RNF144B: variants seen among roughly 807,000 people sequenced by gnomAD.
The protein encoded by RNF144B is E3 ubiquitin-protein ligase RNF144B.
RNF144B carries 25 observed loss-of-function variants against 40.2 expected under a neutral mutation model. The observed-to-expected ratio is 0.62, with a 90% CI of 0.45 to 0.87. The LOEUF (loss-of-function observed/expected upper bound fraction) is 0.87. Ranked by LOEUF, RNF144B falls within the 40% of genes least tolerant of loss-of-function variation. The pLI is 0.00. For synonymous variants in RNF144B, 145 were observed against 136.3 expected (o/e 1.06, Z -0.44); for missense variants, 365 against 373.7 (o/e 0.98, Z 0.19).
At chr6:18,433,849 A>G (rs181471220) in intron 3 of RNF144B, among the ~76,000 whole-genome samples, 2 of 152,306 alleles carry the variant, frequency 1.3e-5, no homozygotes, top group Admixed American at 1.3e-4. Context: ...TGTTAGGAAG[A>G]GCAGCTCTCG....
rs1759041911 is a variant in RNF144B, at chr6:18,444,800, G to A, written c.331+5056G>A. ...ATCCTATGCCAGGTGCCATTCCAAT[G>A]CTTCTTCAAGCTGTGGTTCCATCTT... On this transcript the variant is annotated intron_variant, in intron 4 of 7. Coordinates refer to ENST00000259939, the MANE Select transcript of RNF144B (RefSeq NM_182757.4). The surrounding 1 kb of genome is among the most constrained non-coding windows in gnomAD (Gnocchi z 4.3). Among the ~76,000 whole-genome samples the A allele has an allele frequency of 6.6e-6, 1 of 152,112 alleles. No individual in the cohort carries two copies.
chr6:18,445,629 A>T, intron 4 of RNF144B, among the ~76,000 whole-genome samples: 1 of 152,152 alleles, frequency 6.6e-6, no homozygotes, highest in African/African-American at 2.4e-5. Flanking sequence ...ACCACTTCTA[A>T]ATCATGTATA....
At chr6:18,451,250 A>G (rs1475884668) in intron 4 of RNF144B, among the ~76,000 whole-genome samples, 4 of 152,008 alleles carry the variant, frequency 2.6e-5, no homozygotes, top group African/African-American at 4.8e-5. Flanking sequence ...TCTATTTTTC[A>G]TCTCCATGTG....
rs1468408505 is a variant in RNF144B, at chr6:18,456,861, G to A, written c.332-294G>A. ...GCAGATCACCTGGGGTCAGGAATTC[G>A]AGATCAGCCTGGCCAACAAGGTGAA... On this transcript the variant is annotated intron_variant, in intron 4 of 7. Transcript: ENST00000259939. The surrounding 1 kb of genome is among the most constrained non-coding windows in gnomAD (Gnocchi z 4.7). 2.0e-5 allele frequency among the ~76,000 whole-genome samples: 3 copies of A among 152,112 alleles called. No homozygotes were observed. The highest frequency in any genetic ancestry group is 4.8e-5 in the African/African-American group (2 of 41,442).
rs76161788 is a variant in RNF144B, at chr6:18,447,473, G to A, written c.331+7729G>A. Among the ~76,000 whole-genome samples the A allele has an allele frequency of 4.3e-4, 66 of 152,264 alleles. No individual in the cohort carries two copies. In the East Asian group the frequency reaches 0.012, roughly 29 times the overall value. On this transcript the variant is annotated intron_variant, in intron 4 of 7. Transcript: ENST00000259939. This position sits in a 1 kb window ranked among gnomAD's most constrained non-coding sequence, Gnocchi z 5.6. The stretch of plus-strand genomic sequence containing the variant: ...GGATGAGAAGCCATTGGAGGGTTTG[G>A]ATCAGGGGAATGTCGTGAAATGATT...
chr6:18,462,798 C>T lies in RNF144B; in HGVS notation c.682-493C>T, dbSNP rs557075510. ...AAACTCCATCTCTATGTTGTCACTT[C>T]TCTCAATAAAGCGACTGCCTTCTTT... On this transcript the variant is annotated intron_variant, in intron 6 of 7. Transcript: ENST00000259939. Among the ~76,000 whole-genome samples, 11 of 152,192 alleles carry T rather than the reference C, an allele frequency of 7.2e-5. No homozygotes were observed. In the East Asian group the frequency reaches 1.9e-3, roughly 27 times the overall value.
Position 18,456,572 on chromosome 6 carries a change from T to C in RNF144B, c.332-583T>C, listed in dbSNP as rs968623729. Among the ~76,000 whole-genome samples, 1 of 152,220 alleles carries C rather than the reference T, an allele frequency of 6.6e-6. No homozygotes were observed. The highest frequency in any genetic ancestry group is 1.5e-5 in the Non-Finnish European group (1 of 68,046). On this transcript the variant is annotated intron_variant, in intron 4 of 7. Coordinates refer to ENST00000259939, the MANE Select transcript of RNF144B (RefSeq NM_182757.4). This position sits in a 1 kb window ranked among gnomAD's most constrained non-coding sequence, Gnocchi z 4.7. ...AAGGTGGGAAATATTCTAAAAGTCTTGTGAATTTTGTTTACAGAGAACACT... is the reference window on the plus strand; with the variant it reads ...AAGGTGGGAAATATTCTAAAAGTCTCGTGAATTTTGTTTACAGAGAACACT...
At chr6:18,391,595 C>T (rs897972068) in intron 1 of RNF144B, among the ~76,000 whole-genome samples, 7 of 152,138 alleles carry the variant, frequency 4.6e-5, no homozygotes, top group East Asian at 1.9e-4. Context: ...AAGCCAGTTG[C>T]GGTGGCTCAT....
chr6:18,458,347 C>T lies in RNF144B; in HGVS notation c.536+988C>T, dbSNP rs1021060977. 6.6e-6 allele frequency among the ~76,000 whole-genome samples: 1 copy of T among 152,186 alleles called. No homozygotes were observed. The highest frequency in any genetic ancestry group is 2.4e-5 in the African/African-American group (1 of 41,440). On this transcript the variant is annotated intron_variant, in intron 5 of 7. Coordinates refer to ENST00000259939, the MANE Select transcript of RNF144B (RefSeq NM_182757.4). This position sits in a 1 kb window ranked among gnomAD's most constrained non-coding sequence, Gnocchi z 4.8. ...GTTCTGCATCAGCAAGAACAAAATA[C>T]GAGTGTTGTAATCCCATTGGCTTAA...
rs1266473317 is a variant in RNF144B at position 18,398,199 on chromosome 6, T to C, written c.-36-1300T>C. Among the ~76,000 whole-genome samples, 1 of 152,192 alleles carries C rather than the reference T, an allele frequency of 6.6e-6. No homozygotes were observed. The highest frequency in any genetic ancestry group is 1.5e-5 in the Non-Finnish European group (1 of 68,024). On this transcript the variant is annotated intron_variant, in intron 1 of 7. Coordinates refer to ENST00000259939, the MANE Select transcript of RNF144B (RefSeq NM_182757.4). This position sits in a 1 kb window ranked among gnomAD's most constrained non-coding sequence, Gnocchi z 5.0. ...CTATTCTTCTTTTTGTCTCTCAGAA[T>C]TGACTACTCTAGGTACCTCATTTAA...
In RNF144B at chr6:18,419,027, C is replaced by G. The variant is rs1454248669; in HGVS notation, c.166-8554C>G. On this transcript the variant is annotated intron_variant, in intron 2 of 7. Coordinates refer to ENST00000259939, the MANE Select transcript of RNF144B (RefSeq NM_182757.4). This position sits in a 1 kb window ranked among gnomAD's most constrained non-coding sequence, Gnocchi z 4.6. The stretch of plus-strand genomic sequence containing the variant: ...GGCACCAACGAGACCTGGGAACTTA[C>G]AAGGAGGGCAAAACCTCAGACCCCA... Among the ~76,000 whole-genome samples the G allele has an allele frequency of 6.6e-6, 1 of 152,078 alleles. No homozygotes were observed. Among genetic ancestry groups the G allele is most frequent in the Admixed American group, 6.6e-5 (1 of 15,264 alleles).
intron 2 of RNF144B, among the ~76,000 whole-genome samples, chr6:18,424,882 G>A (rs1420754532): frequency 6.6e-6 from 1 of 152,170 alleles, no homozygotes; most frequent in East Asian, 1.9e-4. Context: ...TGCTTTGCAG[G>A]GAGTGGAGAA....
intron 3 of RNF144B, among the ~76,000 whole-genome samples, chr6:18,438,140 G>A (rs925682781): frequency 4.6e-5 from 7 of 152,138 alleles, no homozygotes; most frequent in Non-Finnish European, 7.3e-5. Flanking sequence ...ATGAATTAGC[G>A]ACAAAGTCAG....
At chr6:18,415,789 T>C (rs889617309) in intron 2 of RNF144B, among the ~76,000 whole-genome samples, 7 of 152,066 alleles carry the variant, frequency 4.6e-5, no homozygotes, top group African/African-American at 1.7e-4. Flanking sequence ...GTGACTAGCA[T>C]AGCCGTACCT....
At chr6:18,424,609 GA>G (rs145026974) in intron 2 of RNF144B, among the ~76,000 whole-genome samples, 13,583 of 152,150 alleles carry the variant, frequency 0.089, 639 homozygotes, top group Middle Eastern at 0.12. Flanking sequence ...GTGTACCTAG[GA>G]ACATTACATT....
chr6:18,390,073 G>T lies in RNF144B; in HGVS notation c.-37+2443G>T, dbSNP rs116539755. 2.0e-5 allele frequency among the ~76,000 whole-genome samples: 3 copies of T among 152,152 alleles called. No homozygotes were observed. The East Asian group carries it at 5.8e-4, about 29-fold the overall frequency. ...GATGGCTAAGATGTGGTCTCTGTCC[G>T]GAAGAAATTCTCATAAGGTCAGAAG... On this transcript the variant is annotated intron_variant, in intron 1 of 7. Transcript: ENST00000259939.
Position 18,465,082 on chromosome 6 carries a change from A to C in RNF144B, c.*15A>C, listed in dbSNP as rs1323450758. Reference sequence around the variant, plus strand: ...CCACAACCTAAAGATCTCTGTGTTCATACGCCCCAGATATGTGAGTTACAT... The same window carrying C: ...CCACAACCTAAAGATCTCTGTGTTCCTACGCCCCAGATATGTGAGTTACAT... On this transcript the variant is annotated 3_prime_UTR_variant, in exon 8 of 8. Transcript: ENST00000259939. 11 of 1,613,030 alleles carry C rather than the reference A, an allele frequency of 6.8e-6. No individual in the cohort carries two copies. The highest frequency in any genetic ancestry group is 1.7e-5 in the Admixed American group (1 of 59,874).
chr6:18,413,418 T>C (rs925227605), intron 2 of RNF144B, among the ~76,000 whole-genome samples: 1 of 151,874 alleles, frequency 6.6e-6, no homozygotes, highest in African/African-American at 2.4e-5. Context: ...ACAGAAAGTA[T>C]GTAATCAGAA....
At chr6:18,435,961 A>G (rs1164294818) in intron 3 of RNF144B, among the ~76,000 whole-genome samples, 2 of 152,062 alleles carry the variant, frequency 1.3e-5, no homozygotes, top group African/African-American at 4.8e-5. Flanking sequence ...AACATGGCAC[A>G]TGTATACATA....
Sources: allele counts gnomAD v4.1 joint callset (sites outside exome capture counted in the v4.1 genomes callset), GRCh38; gene constraint gnomAD v4.1.1; non-coding constraint Gnocchi (gnomAD v3.1); transcripts MANE v1.5; gene names NCBI Gene and HGNC (gene_info 2026-07-23, HGNC 2026-07-21).